PPP1R12B: variants seen among roughly 807,000 people sequenced by gnomAD.
PPP1R12B encodes the protein protein phosphatase 1 regulatory subunit 12B, also known as myosin phosphatase target subunit 2.
Under a neutral mutation model 126.1 loss-of-function variants are expected in PPP1R12B, and 76 were observed. The ratio of observed to expected loss-of-function variants is 0.60; its 90% confidence interval spans 0.50 to 0.73. The LOEUF (loss-of-function observed/expected upper bound fraction) is 0.73, where lower values mean the gene tolerates loss of function less well. PPP1R12B is among the 30% of genes least tolerant of loss of function. The pLI is 0.00. For missense variants in PPP1R12B, 1,052 were observed against 1,205.1 expected (o/e 0.87, Z 1.88); for synonymous variants, 356 against 434.7 (o/e 0.82, Z 2.25).
At chr1:202,485,881 A>G (rs1362061439) in intron 13 of PPP1R12B, among the ~76,000 whole-genome samples, 1 of 151,982 alleles carries the variant, frequency 6.6e-6, no homozygotes, top group Non-Finnish European at 1.5e-5. Flanking sequence ...TAATATTATT[A>G]TTATTGTTAT....
rs1171159554 is a variant in PPP1R12B, at chr1:202,442,589, G to A, written c.1667+17G>A. On this transcript the variant is annotated intron_variant, in intron 12 of 23. Transcript: ENST00000608999. Reference sequence around the variant, plus strand: ...CTTGAAAAGGTACCAGGCTCAAAGGGGGTGGGAGATGTTTCTTTCACTCTA... The same window carrying A: ...CTTGAAAAGGTACCAGGCTCAAAGGAGGTGGGAGATGTTTCTTTCACTCTA... 1.9e-6 allele frequency: 3 copies of A among 1,599,228 alleles called. No individual in the cohort carries two copies. The highest frequency in any genetic ancestry group is 2.2e-5 in the East Asian group (1 of 44,652).
Position 202,354,829 on chromosome 1 carries a change from G to GTTT in PPP1R12B, c.291+5689_291+5690insTTT, listed in dbSNP as rs749699370. The stretch of plus-strand genomic sequence containing the variant: ...CGCCTGGCTAATTGTTTTTTTTGTT[G>GTTT]TTGTTTTTTTTTTTGAGACGGAGTC... On this transcript the variant is annotated intron_variant, in intron 1 of 23. Coordinates refer to ENST00000608999, the MANE Select transcript of PPP1R12B (RefSeq NM_002481.4). Among the ~76,000 whole-genome samples, 16 of 128,762 alleles carry GTTT rather than the reference G, an allele frequency of 1.2e-4. 2 individuals are homozygous for GTTT. The highest frequency in any genetic ancestry group is 1.3e-4 in the Non-Finnish European group (8 of 59,998). 84.5% of individuals were successfully genotyped at this position (128,762 alleles called of 152,430 possible).
At chr1:202,517,923 G>A (rs1016733030) in intron 18 of PPP1R12B, among the ~76,000 whole-genome samples, 5 of 152,220 alleles carry the variant, frequency 3.3e-5, no homozygotes, top group African/African-American at 1.2e-4. Flanking sequence ...ACTGCACCCA[G>A]CCAAAGTAAC....
intron 10 of PPP1R12B, chr1:202,438,317 T>A (rs1327840509): frequency 7.0e-7 from 1 of 1,418,538 alleles, no homozygotes; most frequent in Non-Finnish European, 9.6e-7. Flanking sequence ...ACATAAAAAT[T>A]TCAGTATGGC....
At chr1:202,480,728 A>G (rs1300528476) in intron 13 of PPP1R12B, among the ~76,000 whole-genome samples, 7 of 152,198 alleles carry the variant, frequency 4.6e-5, no homozygotes, top group Non-Finnish European at 8.8e-5. Context: ...TAGTATGTCA[A>G]TATTGGGAAG....
At position 202,358,542 on chromosome 1, in the gene PPP1R12B, C is replaced by T. The variant is rs111863676; in HGVS notation, c.291+9400C>T. On this transcript the variant is annotated intron_variant, in intron 1 of 23. Coordinates refer to ENST00000608999, the MANE Select transcript of PPP1R12B (RefSeq NM_002481.4). Reference sequence around the variant, plus strand: ...CTAAATATACAAAAAATTAGCCGGGCGTGGTCGCACGCGCCTGTTGTCCCA... The same window carrying T: ...CTAAATATACAAAAAATTAGCCGGGTGTGGTCGCACGCGCCTGTTGTCCCA... 5.8e-3 allele frequency among the ~76,000 whole-genome samples: 877 copies of T among 152,228 alleles called. 7 individuals carry two copies. Among genetic ancestry groups the T allele is most frequent in the Middle Eastern group, 0.037 (11 of 294 alleles).
chr1:202,479,498 G>A (rs1677079867), intron 13 of PPP1R12B, among the ~76,000 whole-genome samples: 1 of 152,210 alleles, frequency 6.6e-6, no homozygotes, highest in Non-Finnish European at 1.5e-5. Context: ...GTGGCTATGA[G>A]CCTGAGAAAC....
intron 1 of PPP1R12B, among the ~76,000 whole-genome samples, chr1:202,356,846 A>C (rs1657195722): frequency 6.9e-6 from 1 of 145,038 alleles, no homozygotes; most frequent in African/African-American, 2.6e-5. Context: ...TTTGAGACTG[A>C]ATTTTGCTCT....
At position 202,502,140 on chromosome 1, in the gene PPP1R12B, A is replaced by G. The variant is rs997930682; in HGVS notation, c.2490+5318A>G. The G allele has an allele frequency of 8.1e-6, 8 of 985,366 alleles. No homozygotes were observed. In the African/African-American group the frequency reaches 8.7e-5, roughly 11 times the overall value. The allele number at this position is 985,366 out of a possible 1,614,324, so 61.0% of individuals were successfully genotyped here. On this transcript the variant is annotated intron_variant, in intron 18 of 23. Coordinates refer to ENST00000608999, the MANE Select transcript of PPP1R12B (RefSeq NM_002481.4). ...TGAAACCTTACCCTCAAAGTTAGCAATGTAGCTGTCCCCATCCAGAATGCA... is the reference window on the plus strand; with the variant it reads ...TGAAACCTTACCCTCAAAGTTAGCAGTGTAGCTGTCCCCATCCAGAATGCA...
At position 202,499,397 on chromosome 1, in the gene PPP1R12B, G is replaced by A. The variant is rs181106891; in HGVS notation, c.2490+2575G>A. Among the ~76,000 whole-genome samples the A allele has an allele frequency of 3.5e-3, 526 of 152,272 alleles. 6 individuals are homozygous for A. Among genetic ancestry groups the A allele is most frequent in the Non-Finnish European group, 5.3e-3 (360 of 68,014 alleles). Reference sequence around the variant, plus strand: ...AGTGTCCCAAGTAGCTGGGAGTACAGGCACAAGCCACCACACCCAGCTAAT... The same window carrying A: ...AGTGTCCCAAGTAGCTGGGAGTACAAGCACAAGCCACCACACCCAGCTAAT... On this transcript the variant is annotated intron_variant, in intron 18 of 23. Transcript: ENST00000608999.
chr1:202,488,396 G>A (rs1047619570), intron 13 of PPP1R12B, 137 bp from the exon 14 acceptor site: 4 of 629,814 alleles, frequency 6.4e-6, no homozygotes, highest in Non-Finnish European at 1.1e-5. Flanking sequence ...ATGGTTGATA[G>A]CATTTCTGTC....
At chr1:202,418,567 AC>A (rs931385835) in intron 2 of PPP1R12B, among the ~76,000 whole-genome samples, 2 of 152,212 alleles carry the variant, frequency 1.3e-5, no homozygotes, top group African/African-American at 4.8e-5. Flanking sequence ...TCTAGCTCAA[AC>A]AAATATTACC....
Position 202,397,181 on chromosome 1 carries a change from C to T in PPP1R12B, c.292-19606C>T, listed in dbSNP as rs1041148958. ...ACTCTTCATTCCATTCTTAATCTTG[C>T]TCTTTCCCGATTACTGCACTGAAAC... is the stretch of plus-strand genomic sequence containing the variant. On this transcript the variant is annotated intron_variant, in intron 1 of 23. Coordinates refer to ENST00000608999, the MANE Select transcript of PPP1R12B (RefSeq NM_002481.4). 3.3e-5 allele frequency among the ~76,000 whole-genome samples: 5 copies of T among 152,096 alleles called. No individual in the cohort carries two copies. In the South Asian group the frequency reaches 8.3e-4, roughly 25 times the overall value.
intron 18 of PPP1R12B, among the ~76,000 whole-genome samples, chr1:202,510,080 A>G (rs1226422207): frequency 6.6e-6 from 1 of 152,236 alleles, no homozygotes; most frequent in Non-Finnish European, 1.5e-5. Flanking sequence ...AACTCCATAT[A>G]TGACATGTTG....
chr1:202,425,561 T>C lies in PPP1R12B; in HGVS notation c.542-5T>C. 6.2e-7 allele frequency: 1 copy of C among 1,613,490 alleles called. No homozygotes were observed. The highest frequency in any genetic ancestry group is 1.7e-4 in the Middle Eastern group (1 of 6,050). The stretch of plus-strand genomic sequence containing the variant: ...TCCTGGCTGTCTGGTATCTGGTTTC[T>C]GTAGGAGTTGATCTAGAGCAGTCAA... On this transcript the variant is annotated splice_polypyrimidine_tract_variant and splice_region_variant and intron_variant, in intron 3 of 23. Transcript: ENST00000608999.
intron 10 of PPP1R12B, chr1:202,439,035 CGG>C: frequency 7.3e-7 from 1 of 1,371,606 alleles, no homozygotes; most frequent in Non-Finnish European, 1.0e-6. Context: ...TACCAGTGGG[CGG>C]ACTTCATCCT....
chr1:202,442,621 G>A (rs1334164127), intron 12 of PPP1R12B, 49 bp downstream of exon 12: 2 of 1,541,076 alleles, frequency 1.3e-6, no homozygotes, highest in Non-Finnish European at 1.8e-6. Flanking sequence ...TCTAGCCATG[G>A]GAAATGGGTA....
intron 1 of PPP1R12B, among the ~76,000 whole-genome samples, chr1:202,375,582 T>C (rs774419606): frequency 4.6e-5 from 7 of 152,208 alleles, no homozygotes; most frequent in Non-Finnish European, 8.8e-5. Flanking sequence ...ATCTTTTCCT[T>C]GTGTTTTTAA....
At chr1:202,379,808 T>A (rs1189945033) in intron 1 of PPP1R12B, among the ~76,000 whole-genome samples, 1 of 152,214 alleles carries the variant, frequency 6.6e-6, no homozygotes. Context: ...AGAATACTCA[T>A]TAAATGCAGA....
Sources: gnomAD v4.1 joint callset for allele counts (sites outside exome capture counted in the v4.1 genomes callset) on GRCh38, gnomAD v4.1.1 for gene constraint, MANE v1.5 for transcripts, NCBI Gene and HGNC (gene_info 2026-07-23, HGNC 2026-07-21) for gene names.